Variants in CADPS observed in about 807,000 individuals in gnomAD.
CADPS encodes calcium-dependent secretion activator 1.
Under a neutral mutation model 167.3 loss-of-function variants are expected in CADPS, and 57 were observed. The ratio of observed to expected loss-of-function variants is 0.34; its 90% CI spans 0.28 to 0.42. CADPS has a LOEUF of 0.42. Among genes scored for constraint, CADPS ranks in the 20% least tolerant of loss-of-function variants. The pLI is 1.00. For synonymous variants in CADPS, 676 were observed against 635.3 expected (o/e 1.06, Z -0.96); for missense variants, 1,414 against 1,738.1 (o/e 0.81, Z 3.32).
intron 1 of CADPS, among the ~76,000 whole-genome samples, chr3:62,844,039 G>A (rs145676288): frequency 1.2e-4 from 19 of 152,190 alleles, no homozygotes; most frequent in African/African-American, 4.6e-4. Context: ...GCATAATCCA[G>A]AACTAAAGAT....
chr3:62,603,676 G>C (rs572590504), intron 6 of CADPS, among the ~76,000 whole-genome samples: 2 of 152,050 alleles, frequency 1.3e-5, no homozygotes, highest in Non-Finnish European at 2.9e-5. Context: ...CTTTCTTAGA[G>C]CTTCCATCTC....
chr3:62,816,226 T>C (rs1184513244), intron 1 of CADPS, among the ~76,000 whole-genome samples: 1 of 152,166 alleles, frequency 6.6e-6, no homozygotes, highest in Non-Finnish European at 1.5e-5. Flanking sequence ...TCCTTTCCCA[T>C]TTTAACTGTT....
At chr3:62,711,586 T>C (rs1489978554) in intron 3 of CADPS, among the ~76,000 whole-genome samples, 1 of 152,242 alleles carries the variant, frequency 6.6e-6, no homozygotes, top group African/African-American at 2.4e-5. Context: ...AGTGATTAGC[T>C]TGGCCAGCTT....
chr3:62,822,628 G>T (rs1035287946), intron 1 of CADPS, among the ~76,000 whole-genome samples: 1 of 152,090 alleles, frequency 6.6e-6, no homozygotes, highest in Non-Finnish European at 1.5e-5. Flanking sequence ...GATCACTTGA[G>T]GTCAGGAGTT....
intron 7 of CADPS, among the ~76,000 whole-genome samples, chr3:62,591,570 T>C (rs1578364866): frequency 6.6e-6 from 1 of 151,626 alleles, no homozygotes; most frequent in Admixed American, 6.6e-5. Context: ...CAGATGGGGG[T>C]GAAGAGGTGA....
chr3:62,697,236 A>G (rs539249384), intron 3 of CADPS, among the ~76,000 whole-genome samples: 3 of 151,260 alleles, frequency 2.0e-5, no homozygotes, highest in South Asian at 2.1e-4. Flanking sequence ...TCTGAACCCA[A>G]TTCATAATCT....
At chr3:62,673,671 A>G (rs980706800) in intron 3 of CADPS, among the ~76,000 whole-genome samples, 3 of 152,238 alleles carry the variant, frequency 2.0e-5, no homozygotes, top group African/African-American at 4.8e-5. Flanking sequence ...ATATATTTAA[A>G]TAATTATTTT....
chr3:62,497,863 G>A (rs1013117675), intron 18 of CADPS, among the ~76,000 whole-genome samples: 1 of 152,212 alleles, frequency 6.6e-6, no homozygotes, highest in Non-Finnish European at 1.5e-5. Flanking sequence ...ACCAGGCTAA[G>A]GACAGAATCA....
intron 13 of CADPS, among the ~76,000 whole-genome samples, chr3:62,519,697 G>A (rs2069958730): frequency 6.6e-6 from 1 of 152,132 alleles, no homozygotes; most frequent in Admixed American, 6.6e-5. Flanking sequence ...ATAGCTCACT[G>A]TGGCCTTGAA....
rs550818254 is a variant in CADPS, at chr3:62,458,808, A to G, written c.3636+6559T>C. Among the ~76,000 whole-genome samples the G allele has an allele frequency of 1.3e-5, 2 of 152,272 alleles. No homozygotes were observed. Among genetic ancestry groups the G allele is most frequent in the East Asian group, 3.9e-4 (2 of 5,188 alleles). On this transcript the variant is annotated intron_variant, in intron 26 of 29. Transcript: ENST00000383710. This position sits in a 1 kb window ranked among gnomAD's most constrained non-coding sequence, Gnocchi z 4.6. ...TTCTTTTGTAGCTAGCATTTCTGTG[A>G]CCTGGTCACTTAGACCACACAGTCT...
intron 3 of CADPS, among the ~76,000 whole-genome samples, chr3:62,679,061 C>G (rs569542319): frequency 3.9e-5 from 6 of 152,066 alleles, no homozygotes; most frequent in African/African-American, 1.4e-4. Flanking sequence ...TGCTTTCCAC[C>G]AAGAAAATAA....
chr3:62,600,146 A>G (rs1369860482), intron 6 of CADPS, among the ~76,000 whole-genome samples: 1 of 146,994 alleles, frequency 6.8e-6, no homozygotes, highest in Non-Finnish European at 1.5e-5. Flanking sequence ...TGAGGAGTTG[A>G]TTTCTTTCTT....
intron 29 of CADPS, among the ~76,000 whole-genome samples, chr3:62,400,740 T>C (rs1281029866): frequency 1.3e-5 from 2 of 151,780 alleles, no homozygotes; most frequent in East Asian, 1.9e-4. Flanking sequence ...GCTGGGATTA[T>C]AGGTGCCCGC....
At chr3:62,591,601 G>A (rs538603667) in intron 7 of CADPS, among the ~76,000 whole-genome samples, 5 of 152,138 alleles carry the variant, frequency 3.3e-5, no homozygotes, top group Non-Finnish European at 7.4e-5. Context: ...AATTAAACGA[G>A]TTCAGATTTT....
At chr3:62,592,805 T>C in intron 6 of CADPS, 57 bp from the exon 7 acceptor site, 2 of 1,286,424 alleles carry the variant, frequency 1.6e-6, no homozygotes, top group Non-Finnish European at 2.2e-6. Context: ...GAGTCTAAAC[T>C]ATTCCATTGT....
intron 11 of CADPS, among the ~76,000 whole-genome samples, chr3:62,546,619 C>T (rs988867945): frequency 2.0e-5 from 3 of 152,148 alleles, no homozygotes; most frequent in East Asian, 3.9e-4. Context: ...TGGATTCAAC[C>T]AGCGGTGGAT....
rs9837030 is a variant in CADPS, at chr3:62,585,994, T to C, written c.1438-670A>G. 1.4e-3 allele frequency among the ~76,000 whole-genome samples: 220 copies of C among 152,332 alleles called. 1 individual carries two copies. Among genetic ancestry groups the C allele is most frequent in the African/African-American group, 5.1e-3 (210 of 41,570 alleles). ...TGTGCTTCAGAGATGGCAGTTTGAT[T>C]TGGGTCTTCTGCATCCATTCTTATT... On this transcript the variant is annotated intron_variant, in intron 7 of 29. Transcript: ENST00000383710.
intron 28 of CADPS, among the ~76,000 whole-genome samples, chr3:62,409,641 T>C (rs1473310055): frequency 6.6e-6 from 1 of 152,252 alleles, no homozygotes; most frequent in Admixed American, 6.5e-5. Flanking sequence ...CTACCTCCTC[T>C]TCTATTTTAG....
chr3:62,599,780 T>TTATATATTG (rs2059582899), intron 6 of CADPS, among the ~76,000 whole-genome samples: 1 of 12,310 alleles, frequency 8.1e-5, no homozygotes, highest in African/African-American at 3.0e-4. Flanking sequence ...AATATATATA[T>TTATATATTG]TATATATAAT....
Sources: allele counts gnomAD v4.1 joint callset (sites outside exome capture counted in the v4.1 genomes callset), GRCh38; gene constraint gnomAD v4.1.1; non-coding constraint Gnocchi (gnomAD v3.1); transcripts MANE v1.5; gene names NCBI Gene and HGNC (gene_info 2026-07-23, HGNC 2026-07-21).